The following SLX4 variants were observed in gnomAD, a reference collection of about 807,000 sequenced individuals.
SLX4 encodes structure-specific endonuclease subunit SLX4.
SLX4 carries 112 observed loss-of-function variants against 146.2 expected under a neutral mutation model. The observed-to-expected ratio is 0.77, with a 90% CI of 0.66 to 0.90. The LOEUF (loss-of-function observed/expected upper bound fraction) is 0.90, where lower values mean the gene tolerates loss of function less well. Ranked by LOEUF, SLX4 falls within the 40% of genes least tolerant of loss-of-function variation. The pLI is 0.00. For synonymous variants in SLX4, 1,061 were observed against 997.7 expected (o/e 1.06, Z -1.20); for missense variants, 2,563 against 2,392.7 (o/e 1.07, Z -1.49).
chr16:3,606,602 T>C lies in SLX4; in HGVS notation c.632A>G (p.Gln211Arg), dbSNP rs2151137938. 5.0e-6 allele frequency: 8 copies of C among 1,614,214 alleles called. No individual in the cohort carries two copies. Among genetic ancestry groups the C allele is most frequent in the Non-Finnish European group, 6.8e-6 (8 of 1,180,046 alleles). The change falls in exon 3 of 15, where the codon CAG becomes CGG. Residue 211 changes from glutamine to arginine, a missense_variant. Transcript: ENST00000294008. ...TGCTCTCTTGAACTGCTGCATTCGC[T>C]GTAGGACCAATTGTGCTGTGCGGGG... ...SKPRTAQLVL[Q>R]RMQQFKRADP...
rs1567174047 is a variant in SLX4 at position 3,597,618 on chromosome 16, G to C, written c.1444C>G (p.Gln482Glu). ...LVQDSETTGR[Q>E]IEDRVALLLS... ...AGCAGGGCCACACGGTCCTCTATCT[G>C]TCGGCCTGTGGTTTCAGAGTCCTGG... The change falls in exon 7 of 15, where the codon CAG becomes GAG. Residue 482 changes from glutamine to glutamate, a missense_variant. Coordinates refer to ENST00000294008, the MANE Select transcript of SLX4 (RefSeq NM_032444.4). The surrounding 1 kb of genome is among the most constrained non-coding windows in gnomAD (Gnocchi z 4.4). 1 of 1,614,112 alleles carries C rather than the reference G, an allele frequency of 6.2e-7. No individual in the cohort carries two copies. The highest frequency in any genetic ancestry group is 1.6e-4 in the Middle Eastern group (1 of 6,062).
chr16:3,605,639 A>T (rs1212037154), intron 3 of SLX4, among the ~76,000 whole-genome samples: 1 of 152,158 alleles, frequency 6.6e-6, no homozygotes, highest in Non-Finnish European at 1.5e-5. Flanking sequence ...CTTTCATAAT[A>T]AAAAGTCATA....
intron 7 of SLX4, among the ~76,000 whole-genome samples, chr16:3,596,949 A>C (rs1240571419): frequency 6.6e-6 from 1 of 151,804 alleles, no homozygotes; most frequent in African/African-American, 2.4e-5. Flanking sequence ...CAGTCTCCCA[A>C]GTAACTGGGA....
intron 8 of SLX4, 106 bp from the exon 9 acceptor site, chr16:3,595,799 A>G: frequency 7.6e-7 from 1 of 1,310,190 alleles, no homozygotes; most frequent in Middle Eastern, 1.8e-4. Context: ...GGTGCCTCGG[A>G]AGGTGCTTGC....
At chr16:3,607,851 C>T (rs1028286546) in intron 2 of SLX4, among the ~76,000 whole-genome samples, 14 of 152,212 alleles carry the variant, frequency 9.2e-5, no homozygotes, top group Admixed American at 6.5e-4. Flanking sequence ...CCCAGTCCAA[C>T]TTACCCACTT....
chr16:3,601,335 C>G, intron 4 of SLX4, 144 bp from the exon 5 acceptor site: 1 of 805,186 alleles, frequency 1.2e-6, no homozygotes, highest in South Asian at 1.4e-5. Flanking sequence ...GGCTCCGTCT[C>G]CCGGCAGTCA....
At chr16:3,607,294 G>A (rs1431209232) in intron 2 of SLX4, among the ~76,000 whole-genome samples, 2 of 152,144 alleles carry the variant, frequency 1.3e-5, no homozygotes, top group East Asian at 1.9e-4. Context: ...AGGCAACACT[G>A]CTGATGCCTT....
At chr16:3,606,413 C>T (rs1269953566) in intron 3 of SLX4, 61 bp downstream of exon 3, 15 of 1,572,346 alleles carry the variant, frequency 9.5e-6, no homozygotes, top group Non-Finnish European at 1.3e-5. Flanking sequence ...CTTCCCGCCT[C>T]CCTTCCTCAG....
intron 3 of SLX4, among the ~76,000 whole-genome samples, chr16:3,604,681 C>T (rs772775918): frequency 4.6e-5 from 7 of 151,696 alleles, no homozygotes; most frequent in Admixed American, 6.6e-5. Context: ...ATTAGCTGGA[C>T]GTGGTGGTGC....
At position 3,591,328 on chromosome 16, in the gene SLX4, G is replaced by C; in HGVS notation, c.2328-18C>G. On this transcript the variant is annotated intron_variant, in intron 11 of 14. Coordinates refer to ENST00000294008, the MANE Select transcript of SLX4 (RefSeq NM_032444.4). ...CGCCAAACCTGCAACACGAAACATCGACAGTCATCGCCCCTCTGCGTGGAG... is the reference window on the plus strand; with the variant it reads ...CGCCAAACCTGCAACACGAAACATCCACAGTCATCGCCCCTCTGCGTGGAG... The C allele has an allele frequency of 6.2e-7, 1 of 1,607,818 alleles. No homozygotes were observed. Among genetic ancestry groups the C allele is most frequent in the Non-Finnish European group, 8.5e-7 (1 of 1,180,008 alleles).
In SLX4 at chr16:3,595,799, A is replaced by C. The variant is rs1309802144; in HGVS notation, c.1925-106T>G. 24 of 1,310,072 alleles carry C rather than the reference A, an allele frequency of 1.8e-5. No homozygotes were observed. Among genetic ancestry groups the C allele is most frequent in the Non-Finnish European group, 2.2e-5 (20 of 925,422 alleles). The allele number at this position is 1,310,072 out of a possible 1,614,324, so 81.2% of individuals were successfully genotyped here. The stretch of plus-strand genomic sequence containing the variant: ...TGAGCCAGCCCCTGCGGTGCCTCGG[A>C]AGGTGCTTGCTATCCGAGGACACCT... On this transcript the variant is annotated intron_variant, in intron 8 of 14. Coordinates refer to ENST00000294008, the MANE Select transcript of SLX4 (RefSeq NM_032444.4).
intron 1 of SLX4, among the ~76,000 whole-genome samples, chr16:3,610,502 A>G (rs544495422): frequency 1.3e-5 from 2 of 152,336 alleles, no homozygotes; most frequent in East Asian, 3.9e-4. Context: ...CCTTACAAGA[A>G]GCCTATATGG....
intron 12 of SLX4, 69 bp downstream of exon 12, chr16:3,588,933 T>C (rs1178025779): frequency 6.2e-7 from 1 of 1,600,126 alleles, no homozygotes; most frequent in Non-Finnish European, 8.5e-7. Flanking sequence ...TCATGACTGA[T>C]CTTCCCACCC....
chr16:3,594,951 A>G (rs926056207), intron 9 of SLX4, among the ~76,000 whole-genome samples: 3 of 152,146 alleles, frequency 2.0e-5, no homozygotes, highest in African/African-American at 7.2e-5. Flanking sequence ...AGGTGCACCC[A>G]TCCCCTGTGA....
In SLX4 at chr16:3,607,262, C is replaced by A. The variant is rs1436241339; in HGVS notation, c.536-564G>T. On this transcript the variant is annotated intron_variant, in intron 2 of 14. Transcript: ENST00000294008. Reference sequence around the variant, plus strand: ...GATTTCATCCGACTGGCAAAGAGCACGAGAGACCAGTAAAGTTGGTGAGGC... The same window carrying A: ...GATTTCATCCGACTGGCAAAGAGCAAGAGAGACCAGTAAAGTTGGTGAGGC... Among the ~76,000 whole-genome samples, 5 of 152,128 alleles carry A rather than the reference C, an allele frequency of 3.3e-5. No individual in the cohort carries two copies. In the East Asian group the frequency reaches 9.7e-4, roughly 29 times the overall value.
intron 8 of SLX4, 135 bp from the exon 9 acceptor site, chr16:3,595,828 T>G: frequency 9.4e-7 from 1 of 1,063,884 alleles, no homozygotes; most frequent in Admixed American, 2.0e-5. Flanking sequence ...GACACCTTCA[T>G]GCAAAGCAAA....
In SLX4 at chr16:3,589,230, G is replaced by A. The variant is rs773998146; in HGVS notation, c.4408C>T (p.Pro1470Ser). Residue 1470 changes from proline (P) to serine (S), a missense_variant, in exon 12 of 15, where the codon CCG becomes TCG. By Grantham distance (74) the Pro-to-Ser change is moderately conservative (BLOSUM62 -1). Coordinates refer to ENST00000294008, the MANE Select transcript of SLX4 (RefSeq NM_032444.4). The surrounding 1 kb of genome is among the most constrained non-coding windows in gnomAD (Gnocchi z 6.2). ...ATGGGGGTGGTGTCCAGGAGTCCCGGGGAGCGACAGTCACGGCTGTCGGCG... is the reference window on the plus strand; with the variant it reads ...ATGGGGGTGGTGTCCAGGAGTCCCGAGGAGCGACAGTCACGGCTGTCGGCG... ...EAADSRDCRS[P>S]GLLDTTPIRG... The A allele has an allele frequency of 3.1e-6, 5 of 1,610,014 alleles. No individual in the cohort carries two copies. In the South Asian group the frequency reaches 4.4e-5, roughly 14 times the overall value.
At chr16:3,599,874 C>T (rs542551513) in intron 5 of SLX4, among the ~76,000 whole-genome samples, 1 of 152,336 alleles carries the variant, frequency 6.6e-6, no homozygotes, top group South Asian at 2.1e-4. Context: ...GTGTAAGCTA[C>T]CGTGCCTGGC....
intron 12 of SLX4, among the ~76,000 whole-genome samples, chr16:3,586,812 C>T (rs535485612): frequency 2.0e-5 from 3 of 146,352 alleles, no homozygotes; most frequent in African/African-American, 5.1e-5. Flanking sequence ...AGAGAGGCTC[C>T]GTCTCAAAAA....
Sources: gnomAD v4.1 joint callset for allele counts (sites outside exome capture counted in the v4.1 genomes callset) on GRCh38, gnomAD v4.1.1 for gene constraint, Gnocchi (gnomAD v3.1) non-coding constraint, MANE v1.5 for transcripts, NCBI Gene and HGNC (gene_info 2026-07-23, HGNC 2026-07-21) for gene names.